Variants in HMGCLL1 observed in about 807,000 individuals in gnomAD.
HMGCLL1 encodes 3-hydroxy-3-methylglutaryl-CoA lyase like 1.
Under a neutral mutation model 39.1 loss-of-function variants are expected in HMGCLL1, and 36 were observed. The ratio of observed to expected loss-of-function variants is 0.92; its 90% CI spans 0.71 to 1.22. The LOEUF (loss-of-function observed/expected upper bound fraction) is 1.22. Among genes scored for constraint, HMGCLL1 ranks in the 50% most tolerant of loss-of-function variants. The probability of loss-of-function intolerance (pLI) is 0.00; values close to 1 mark genes in which losing one functional copy is unlikely to be tolerated. For missense variants in HMGCLL1, 451 were observed against 416.5 expected (o/e 1.08, Z -0.72); for synonymous variants, 149 against 144.0 (o/e 1.03, Z -0.25).
chr6:55,479,629 G>T (rs995291632), intron 7 of HMGCLL1, among the ~76,000 whole-genome samples: 7 of 151,130 alleles, frequency 4.6e-5, no homozygotes, highest in Non-Finnish European at 8.8e-5. Context: ...TAGCACAGTA[G>T]GTCAGAACAA....
At position 55,441,357 on chromosome 6, in the gene HMGCLL1, G is replaced by A. The variant is rs183846029; in HGVS notation, c.796-1798C>T. The stretch of plus-strand genomic sequence containing the variant: ...TTGTTAAGCTAATTTAGTAGGAATT[G>A]CTAAAACTGGATTTTACAAGGAAAT... On this transcript the variant is annotated intron_variant, in intron 7 of 8. Transcript: ENST00000274901. Among the ~76,000 whole-genome samples, 15 of 152,200 alleles carry A rather than the reference G, an allele frequency of 9.9e-5. No individual in the cohort carries two copies. The East Asian group carries it at 2.9e-3, about 29-fold the overall frequency.
chr6:55,597,741 A>G, the HMGCLL1 span, among the ~76,000 whole-genome samples: 2 of 152,188 alleles, frequency 1.3e-5, no homozygotes, highest in African/African-American at 4.8e-5. Flanking sequence ...TTGAAATTAT[A>G]AATGAGACAG....
upstream of HMGCLL1, among the ~76,000 whole-genome samples, chr6:55,583,824 TG>T: frequency 6.6e-6 from 1 of 152,168 alleles, no homozygotes; most frequent in East Asian, 1.9e-4. Context: ...GATTTGTTTT[TG>T]TTAACATCTT....
At chr6:55,441,666 G>A (rs1203183177) in intron 7 of HMGCLL1, among the ~76,000 whole-genome samples, 3 of 151,766 alleles carry the variant, frequency 2.0e-5, no homozygotes, top group Admixed American at 2.0e-4. Flanking sequence ...ACTATTTTGA[G>A]TAGTATAAGT....
the HMGCLL1 span, among the ~76,000 whole-genome samples, chr6:55,628,704 G>C: frequency 6.6e-6 from 1 of 152,024 alleles, no homozygotes; most frequent in Non-Finnish European, 1.5e-5. Flanking sequence ...ACGTGTTGTG[G>C]GAGGAACCCA....
At chr6:55,666,344 A>G in the HMGCLL1 span, among the ~76,000 whole-genome samples, 2 of 151,758 alleles carry the variant, frequency 1.3e-5, no homozygotes, top group Admixed American at 6.6e-5. Context: ...CTCTTCAAGG[A>G]AAACCACATT....
intron 1 of HMGCLL1, among the ~76,000 whole-genome samples, chr6:55,564,860 T>C (rs1424591129): frequency 2.6e-5 from 4 of 151,158 alleles, no homozygotes; most frequent in Admixed American, 6.6e-5. Flanking sequence ...AAAACCACTA[T>C]GGAATAACTT....
At chr6:55,611,983 G>A in the HMGCLL1 span, among the ~76,000 whole-genome samples, 3 of 152,062 alleles carry the variant, frequency 2.0e-5, no homozygotes, top group African/African-American at 4.8e-5. Context: ...AGAAATAAAG[G>A]GTATTCAAAT....
the HMGCLL1 span, among the ~76,000 whole-genome samples, chr6:55,667,114 C>T: frequency 6.6e-6 from 1 of 151,538 alleles, no homozygotes; most frequent in Non-Finnish European, 1.5e-5. Flanking sequence ...TTCTAATTAC[C>T]TTCTAAGTCC....
the HMGCLL1 span, among the ~76,000 whole-genome samples, chr6:55,651,403 G>T: frequency 1.3e-5 from 2 of 152,044 alleles, no homozygotes; most frequent in Admixed American, 6.6e-5. Context: ...CCAGAATGGG[G>T]CCTCACAACT....
chr6:55,541,916 AAGTG>A (rs1289864016), intron 2 of HMGCLL1, 80 bp from the exon 3 acceptor site: 1 of 956,092 alleles, frequency 1.0e-6, no homozygotes, highest in South Asian at 1.6e-5. Context: ...TCCTAAGTCA[AAGTG>A]AGTATTATTT....
At chr6:55,537,963 A>G (rs1769126252) in intron 3 of HMGCLL1, among the ~76,000 whole-genome samples, 1 of 152,206 alleles carries the variant, frequency 6.6e-6, no homozygotes, top group Non-Finnish European at 1.5e-5. Context: ...ATGTAAGGTC[A>G]GGAGGCATTT....
At chr6:55,541,455 T>A (rs1017685175) in intron 3 of HMGCLL1, among the ~76,000 whole-genome samples, 3 of 152,102 alleles carry the variant, frequency 2.0e-5, no homozygotes, top group Admixed American at 6.6e-5. Flanking sequence ...CATAAAATGA[T>A]AAAGAAAGGG....
chr6:55,651,553 C>T, the HMGCLL1 span, among the ~76,000 whole-genome samples: 3 of 152,012 alleles, frequency 2.0e-5, no homozygotes, highest in Non-Finnish European at 2.9e-5. Flanking sequence ...CTGGGGTTGG[C>T]GGGGGAATGG....
At chr6:55,541,693 A>G (rs1394648573) in intron 3 of HMGCLL1, 36 bp downstream of exon 3, 2 of 1,048,818 alleles carry the variant, frequency 1.9e-6, no homozygotes, top group Non-Finnish European at 2.9e-6. Context: ...GTGAAGTTGA[A>G]TTAGGATCTA....
rs1314585533 is a variant in HMGCLL1, at chr6:55,483,041, G to A, written c.795+12378C>T. 3.9e-5 allele frequency among the ~76,000 whole-genome samples: 6 copies of A among 151,956 alleles called. No homozygotes were observed. The East Asian group carries it at 7.7e-4, about 20-fold the overall frequency. On this transcript the variant is annotated intron_variant, in intron 7 of 8. Transcript: ENST00000274901. ...AATCAGAAGAAATCTATGGAATCAT[G>A]GGCCTCCTATAGGAAAAGAAATAAC... is the stretch of plus-strand genomic sequence containing the variant.
chr6:55,504,029 T>G (rs1767030298), intron 5 of HMGCLL1, among the ~76,000 whole-genome samples: 1 of 151,728 alleles, frequency 6.6e-6, no homozygotes, highest in South Asian at 2.1e-4. Context: ...ATTTTTCCAC[T>G]TTGACAATCT....
At chr6:55,613,753 A>G in the HMGCLL1 span, among the ~76,000 whole-genome samples, 1,010 of 152,166 alleles carry the variant, frequency 6.6e-3, 19 homozygotes, top group African/African-American at 0.024. Flanking sequence ...CAGGGAAGGT[A>G]ACAACACACA....
chr6:55,553,212 C>T (rs1770458613), intron 1 of HMGCLL1, among the ~76,000 whole-genome samples: 1 of 143,818 alleles, frequency 7.0e-6, no homozygotes, highest in Non-Finnish European at 1.5e-5. Context: ...CATACACACA[C>T]ATATATGTAT....
Sources: gnomAD v4.1 joint callset for allele counts (sites outside exome capture counted in the v4.1 genomes callset) on GRCh38, gnomAD v4.1.1 for gene constraint, MANE v1.5 for transcripts, NCBI Gene and HGNC (gene_info 2026-07-23, HGNC 2026-07-21) for gene names.